The following CEMIP variants were observed in gnomAD, a reference collection of about 807,000 sequenced individuals.
CEMIP encodes cell migration inducing hyaluronidase 1.
A neutral mutation model predicts 156.9 loss-of-function variants in CEMIP; 105 were observed. That is an observed-to-expected ratio of 0.67 (90% CI 0.57 to 0.79). The LOEUF (loss-of-function observed/expected upper bound fraction) is 0.79. Among genes scored for constraint, CEMIP ranks in the 30% least tolerant of loss-of-function variants. CEMIP has a pLI of 0.00. For missense variants in CEMIP, 1,457 were observed against 1,769.4 expected (o/e 0.82, Z 3.17); for synonymous variants, 676 against 668.4 (o/e 1.01, Z -0.17).
chr15:80,793,773 C>A (rs1596092194), intron 1 of CEMIP, among the ~76,000 whole-genome samples: 3 of 152,144 alleles, frequency 2.0e-5, no homozygotes, highest in East Asian at 3.9e-4. Context: ...AGGGAATTCC[C>A]TTTCTATTTT....
intron 8 of CEMIP, among the ~76,000 whole-genome samples, 156 bp downstream of exon 8, chr15:80,887,920 G>T (rs1898904957): frequency 6.6e-6 from 1 of 152,232 alleles, no homozygotes; most frequent in African/African-American, 2.4e-5. Flanking sequence ...ACCTTACATG[G>T]AAGTGGCAAA....
intron 10 of CEMIP, among the ~76,000 whole-genome samples, chr15:80,894,183 G>A (rs1299298867): frequency 1.3e-5 from 2 of 152,178 alleles, no homozygotes; most frequent in African/African-American, 4.8e-5. Flanking sequence ...CCCACCATGC[G>A]GTGGGAGGAG....
intron 1 of CEMIP, among the ~76,000 whole-genome samples, chr15:80,810,355 C>T (rs1247964317): frequency 6.6e-6 from 1 of 151,914 alleles, no homozygotes; most frequent in Non-Finnish European, 1.5e-5. Flanking sequence ...TTTTGAGTCA[C>T]CTGTGTTTTT....
chr15:80,874,233 A>G (rs781654135), intron 3 of CEMIP, among the ~76,000 whole-genome samples: 1 of 152,226 alleles, frequency 6.6e-6, no homozygotes, highest in Non-Finnish European at 1.5e-5. Context: ...CAGGCCCCTG[A>G]CACAAATGAG....
chr15:80,832,322 C>CTCTGTGTGTGTG (rs1555429057), intron 1 of CEMIP, among the ~76,000 whole-genome samples: 6,694 of 128,158 alleles, frequency 0.052, 287 homozygotes, highest in South Asian at 0.11. Context: ...AAAATAAACT[C>CTCTGTGTGTGTG]TGTGTGTGTG....
At chr15:80,897,237 G>C (rs75817565) in intron 12 of CEMIP, 2 of 455,688 alleles carry the variant, frequency 4.4e-6, no homozygotes, top group East Asian at 1.4e-4. Flanking sequence ...TTGAGAAAGC[G>C]TATCCAATAT....
intron 1 of CEMIP, among the ~76,000 whole-genome samples, chr15:80,802,419 C>G (rs1302934243): frequency 1.3e-5 from 2 of 152,246 alleles, no homozygotes; most frequent in Admixed American, 1.3e-4. Flanking sequence ...CAGGCCCCAC[C>G]CACCGAGGCT....
chr15:80,941,480 T>C (rs528451956), intron 25 of CEMIP, among the ~76,000 whole-genome samples: 41 of 152,308 alleles, frequency 2.7e-4, no homozygotes, highest in Admixed American at 2.2e-3. Flanking sequence ...CCCAGCTGTG[T>C]GGTCCTGGGC....
At chr15:80,900,882 C>T (rs1038459405) in intron 12 of CEMIP, 10 of 453,022 alleles carry the variant, frequency 2.2e-5, no homozygotes, top group Middle Eastern at 6.5e-4. Context: ...GCTGCAGACA[C>T]GGACACGATC....
intron 12 of CEMIP, among the ~76,000 whole-genome samples, chr15:80,896,776 C>T (rs1288429919): frequency 6.6e-6 from 1 of 152,180 alleles, no homozygotes; most frequent in Non-Finnish European, 1.5e-5. Flanking sequence ...ACTTGACTAT[C>T]TTAAGCAAAA....
At chr15:80,818,803 A>G (rs1028407167) in intron 1 of CEMIP, among the ~76,000 whole-genome samples, 5 of 152,224 alleles carry the variant, frequency 3.3e-5, no homozygotes, top group African/African-American at 1.2e-4. Context: ...AATAATGTCT[A>G]ACATGGGAAC....
intron 1 of CEMIP, among the ~76,000 whole-genome samples, chr15:80,803,530 G>A (rs1351467711): frequency 1.3e-5 from 2 of 152,200 alleles, no homozygotes; most frequent in Non-Finnish European, 2.9e-5. Context: ...CCCTGGACGG[G>A]AAGACAAGGT....
chr15:80,874,900 T>A (rs1898419213), intron 3 of CEMIP, among the ~76,000 whole-genome samples: 1 of 152,206 alleles, frequency 6.6e-6, no homozygotes, highest in African/African-American at 2.4e-5. Flanking sequence ...AATCTTACAT[T>A]GAATTTATAT....
rs117978356 is a variant in CEMIP at position 80,889,674 on chromosome 15, T to A, written c.1086+82T>A. The A allele has an allele frequency of 0.025, 39,695 of 1,567,392 alleles. 632 individuals carry two copies. The highest frequency in any genetic ancestry group is 0.029 in the Non-Finnish European group (33,292 of 1,146,554). On this transcript the variant is annotated intron_variant, in intron 10 of 29. Transcript: ENST00000394685. ...TATAGATCACAGACATTCTTGTCAC[T>A]TGGGTGCTGTGATTCTCGTTGCCCT...
chr15:80,799,311 C>T (rs552243687), intron 1 of CEMIP, among the ~76,000 whole-genome samples: 13 of 152,298 alleles, frequency 8.5e-5, no homozygotes, highest in African/African-American at 2.2e-4. Flanking sequence ...GCAGTCCCTG[C>T]GCAGCACTGG....
intron 19 of CEMIP, 129 bp downstream of exon 19, chr15:80,925,884 C>T (rs1900645167): frequency 7.4e-7 from 1 of 1,355,438 alleles, no homozygotes; most frequent in South Asian, 1.5e-5. Flanking sequence ...CTTCTGGTCC[C>T]CCAGCCAGGC....
At chr15:80,865,297 T>C (rs1380234163) in intron 1 of CEMIP, among the ~76,000 whole-genome samples, 4 of 152,180 alleles carry the variant, frequency 2.6e-5, no homozygotes, top group African/African-American at 7.2e-5. Flanking sequence ...TTTTCCTGCC[T>C]CAGCCTCCTG....
At chr15:80,813,391 C>A (rs1170293115) in intron 1 of CEMIP, among the ~76,000 whole-genome samples, 1 of 147,536 alleles carries the variant, frequency 6.8e-6, no homozygotes, top group Non-Finnish European at 1.5e-5. Flanking sequence ...ACTCTGTCAC[C>A]CAGGTTGGAG....
At chr15:80,884,640 T>C (rs1299214720) in intron 7 of CEMIP, among the ~76,000 whole-genome samples, 1 of 152,262 alleles carries the variant, frequency 6.6e-6, no homozygotes, top group African/African-American at 2.4e-5. Context: ...TAAGTGAGCA[T>C]CTACTGTGTG....
Sources: allele counts gnomAD v4.1 joint callset (sites outside exome capture counted in the v4.1 genomes callset), GRCh38; gene constraint gnomAD v4.1.1; transcripts MANE v1.5; gene names NCBI Gene and HGNC (gene_info 2026-07-23, HGNC 2026-07-21).